The following CSMD1 variants were observed in gnomAD, a reference collection of about 807,000 sequenced individuals.
CSMD1 encodes the protein CUB and Sushi multiple domains 1, also known as CUB and sushi domain-containing protein 1.
A neutral mutation model predicts 417.5 loss-of-function variants in CSMD1; 213 were observed. That is an observed-to-expected ratio of 0.51 (90% CI 0.46 to 0.57). The LOEUF is 0.57. Ranked by LOEUF, CSMD1 falls within the 20% of genes least tolerant of loss-of-function variation. The pLI is 0.00. For missense variants in CSMD1, 6,923 were observed against 4,529.7 expected, an observed-to-expected ratio of 1.53 and a Z score of -15.17; for synonymous variants, 2,862 against 1,736.8, an observed-to-expected ratio of 1.65 and a Z score of -16.11.
chr8:4,454,925 C>G (rs1799378373), intron 2 of CSMD1, among the ~76,000 whole-genome samples: 1 of 152,174 alleles, frequency 6.6e-6, no homozygotes, highest in African/African-American at 2.4e-5. Flanking sequence ...AAACACATCT[C>G]ACTCCAGACT....
chr8:4,647,509 C>T lies in CSMD1; in HGVS notation c.86-9951G>A, dbSNP rs538184266. Among the ~76,000 whole-genome samples, 31 of 152,272 alleles carry T rather than the reference C, an allele frequency of 2.0e-4. No homozygotes were observed. The East Asian group carries it at 4.3e-3, about 21-fold the overall frequency. ...CATGGTGGTTTGTTACGTAGGTACG[C>T]GTGTGCCATGGTTGTTTGCTGCACC... On this transcript the variant is annotated intron_variant, in intron 1 of 69. Coordinates refer to ENST00000635120, the MANE Select transcript of CSMD1 (RefSeq NM_033225.6).
At chr8:4,925,330 G>C (rs1585341062) in intron 1 of CSMD1, among the ~76,000 whole-genome samples, 1 of 147,042 alleles carries the variant, frequency 6.8e-6, no homozygotes, top group Non-Finnish European at 1.5e-5. Flanking sequence ...TCTTTGACGG[G>C]GTCATGTGTT....
intron 3 of CSMD1, among the ~76,000 whole-genome samples, chr8:4,200,197 A>C (rs2131250987): frequency 6.6e-6 from 1 of 152,340 alleles, no homozygotes; most frequent in Middle Eastern, 3.4e-3. Context: ...AAATCCAGTT[A>C]AATGTTATGT....
intron 50 of CSMD1, among the ~76,000 whole-genome samples, chr8:3,033,302 A>G (rs62490491): frequency 0.29 from 44,238 of 151,886 alleles, 6,656 homozygotes; most frequent in East Asian, 0.33. Context: ...TTGATAATCT[A>G]CATTCAACAC....
At chr8:3,832,652 G>A (rs765990951) in intron 5 of CSMD1, among the ~76,000 whole-genome samples, 13 of 152,204 alleles carry the variant, frequency 8.5e-5, no homozygotes, top group East Asian at 3.9e-4. Flanking sequence ...TACTTACAAC[G>A]AAACTGAGAT....
chr8:3,616,667 T>C (rs952364811), intron 8 of CSMD1, 43 bp downstream of exon 8: 5 of 1,299,738 alleles, frequency 3.8e-6, no homozygotes, highest in Non-Finnish European at 5.5e-6. Context: ...AATATATGTC[T>C]TAAAAATAAC....
intron 5 of CSMD1, among the ~76,000 whole-genome samples, chr8:3,958,514 G>A (rs1812121304): frequency 6.6e-6 from 1 of 152,018 alleles, no homozygotes; most frequent in Non-Finnish European, 1.5e-5. Flanking sequence ...TTTTAGAAAT[G>A]CATTCTTCTG....
intron 3 of CSMD1, among the ~76,000 whole-genome samples, chr8:4,179,902 G>A (rs1798259846): frequency 6.6e-6 from 1 of 152,118 alleles, no homozygotes; most frequent in African/African-American, 2.4e-5. Context: ...CAGTTAGAAT[G>A]GCGATCATTA....
At chr8:4,144,267 T>G (rs946354841) in intron 3 of CSMD1, among the ~76,000 whole-genome samples, 12 of 150,992 alleles carry the variant, frequency 7.9e-5, no homozygotes, top group African/African-American at 2.7e-4. Flanking sequence ...AAGACCTTAT[T>G]CTGCCTCACA....
intron 41 of CSMD1, among the ~76,000 whole-genome samples, chr8:3,124,466 G>A (rs1351084282): frequency 6.6e-6 from 1 of 152,168 alleles, no homozygotes; most frequent in Non-Finnish European, 1.5e-5. Flanking sequence ...GATCTAAGTA[G>A]GAAAATGGTG....
intron 1 of CSMD1, among the ~76,000 whole-genome samples, chr8:4,949,045 T>A (rs1455245170): frequency 1.3e-5 from 2 of 152,156 alleles, no homozygotes; most frequent in African/African-American, 4.8e-5. Context: ...AGTGTAACAT[T>A]TTAACAAATG....
At chr8:3,746,060 A>T (rs1030249602) in intron 6 of CSMD1, among the ~76,000 whole-genome samples, 1 of 151,662 alleles carries the variant, frequency 6.6e-6, no homozygotes, top group African/African-American at 2.4e-5. Flanking sequence ...TACCTACAAG[A>T]GGTACACACG....
At chr8:4,820,135 T>C (rs1206025955) in intron 1 of CSMD1, among the ~76,000 whole-genome samples, 1 of 152,150 alleles carries the variant, frequency 6.6e-6, no homozygotes, top group Non-Finnish European at 1.5e-5. Context: ...CTAGAATTCT[T>C]GCACCACCTC....
chr8:3,914,589 A>G (rs899379326), intron 5 of CSMD1, among the ~76,000 whole-genome samples: 6 of 152,168 alleles, frequency 3.9e-5, no homozygotes, highest in Non-Finnish European at 8.8e-5. Flanking sequence ...AATAAAATAA[A>G]TTAAGAAAAT....
At chr8:4,728,674 G>A (rs529261007) in intron 1 of CSMD1, among the ~76,000 whole-genome samples, 1 of 152,080 alleles carries the variant, frequency 6.6e-6, no homozygotes, top group South Asian at 2.1e-4. Context: ...TTGCTTAAGT[G>A]GATAATGCTT....
chr8:4,397,569 C>G (rs1294582314), intron 3 of CSMD1, among the ~76,000 whole-genome samples: 3 of 88,034 alleles, frequency 3.4e-5, no homozygotes, highest in South Asian at 7.9e-4. Flanking sequence ...GAATCTTGCT[C>G]TTTTGCCCAG....
intron 8 of CSMD1, among the ~76,000 whole-genome samples, chr8:3,597,727 A>G (rs771747328): frequency 6.4e-4 from 97 of 152,320 alleles, no homozygotes; most frequent in Non-Finnish European, 1.3e-3. Context: ...TCAGCAAAGT[A>G]ACACAAGAAG....
chr8:4,209,562 T>TA (rs1010257812), intron 3 of CSMD1, among the ~76,000 whole-genome samples: 1 of 152,180 alleles, frequency 6.6e-6, no homozygotes, highest in Non-Finnish European at 1.5e-5. Context: ...TGCTGCCTCT[T>TA]CTGGCATTTG....
chr8:4,799,754 G>C (rs1798177206), intron 1 of CSMD1, among the ~76,000 whole-genome samples: 1 of 151,200 alleles, frequency 6.6e-6, no homozygotes, highest in Non-Finnish European at 1.5e-5. Flanking sequence ...CTTTACATTT[G>C]ACCTGGAAAT....
Sources: gnomAD v4.1 joint callset for allele counts (sites outside exome capture counted in the v4.1 genomes callset) on GRCh38, gnomAD v4.1.1 for gene constraint, MANE v1.5 for transcripts, NCBI Gene and HGNC (gene_info 2026-07-23, HGNC 2026-07-21) for gene names.